The following ENPP2 variants were observed in gnomAD, a reference collection of about 807,000 sequenced individuals.
The protein encoded by ENPP2 is autotaxin.
A neutral mutation model predicts 120.2 loss-of-function variants in ENPP2; 51 were observed. The observed-to-expected ratio is 0.42, with a 90% CI of 0.34 to 0.54. The LOEUF (loss-of-function observed/expected upper bound fraction) is 0.54. Among genes scored for constraint, ENPP2 ranks in the 20% least tolerant of loss-of-function variants. The pLI, the probability that ENPP2 is intolerant of heterozygous loss-of-function variation, is 0.04. For missense variants in ENPP2, 920 were observed against 1,066.5 expected (o/e 0.86, Z 1.91); for synonymous variants, 365 against 366.4 (o/e 1.00, Z 0.04).
chr8:119,605,763 A>G (rs1424636924), intron 9 of ENPP2, among the ~76,000 whole-genome samples: 1 of 151,826 alleles, frequency 6.6e-6, no homozygotes, highest in African/African-American at 2.4e-5. Flanking sequence ...CACCATACCC[A>G]GCCGAAGATA....
intron 1 of ENPP2, among the ~76,000 whole-genome samples, chr8:119,650,588 G>C (rs1159097637): frequency 6.6e-6 from 1 of 152,192 alleles, no homozygotes; most frequent in African/African-American, 2.4e-5. Flanking sequence ...CTGATTTTCA[G>C]TTCTCAGGTT....
chr8:119,659,815 G>A (rs1433854086), intron 1 of ENPP2, among the ~76,000 whole-genome samples: 6 of 152,186 alleles, frequency 3.9e-5, no homozygotes, highest in Non-Finnish European at 7.4e-5. Context: ...AAAATTGCTT[G>A]TCTTGTATTA....
At chr8:119,572,189 A>C (rs1435962977) in intron 19 of ENPP2, 1 of 1,554,416 alleles carries the variant, frequency 6.4e-7, no homozygotes, top group African/African-American at 1.4e-5. Flanking sequence ...TTCTAGGTTC[A>C]AAATTTCCAT....
rs187821637 is a variant in ENPP2, at chr8:119,657,502, A to C, written c.21+15750T>G. 3.4e-3 allele frequency among the ~76,000 whole-genome samples: 514 copies of C among 152,338 alleles called. 5 individuals carry two copies. Among genetic ancestry groups the C allele is most frequent in the African/African-American group, 0.012 (484 of 41,582 alleles). On this transcript the variant is annotated intron_variant, in intron 1 of 25. Transcript: ENST00000427067. Reference sequence around the variant, plus strand: ...GAAAGTGTTGAACTTTGTATGTCGAAGTCTGCCAATTCTAATTTCCAGTTC... The same window carrying C: ...GAAAGTGTTGAACTTTGTATGTCGACGTCTGCCAATTCTAATTTCCAGTTC...
intron 1 of ENPP2, among the ~76,000 whole-genome samples, chr8:119,650,277 A>T (rs1382995621): frequency 1.3e-5 from 2 of 152,210 alleles, no homozygotes; most frequent in African/African-American, 4.8e-5. Context: ...TAAAACATCT[A>T]GAAGAGGCAA....
chr8:119,591,319 C>T (rs1813490181), intron 12 of ENPP2, among the ~76,000 whole-genome samples: 1 of 152,194 alleles, frequency 6.6e-6, no homozygotes, highest in African/African-American at 2.4e-5. Context: ...GCAACTAAAG[C>T]AAGAAGGTTC....
At chr8:119,585,616 T>A (rs770287708) in intron 15 of ENPP2, among the ~76,000 whole-genome samples, 12 of 152,288 alleles carry the variant, frequency 7.9e-5, no homozygotes, top group Non-Finnish European at 7.3e-5. Flanking sequence ...TTGGAAGTTG[T>A]TAGAGCCTCC....
In ENPP2 at chr8:119,632,660, G is replaced by A. The variant is rs370154585; in HGVS notation, c.136+5765C>T. ...AAAGAAACACCAATGTAAAACATAC[G>A]TTATTTCATTCAAATTCATAATTCT... On this transcript the variant is annotated intron_variant, in intron 2 of 24. Coordinates refer to ENST00000075322, the MANE Select transcript of ENPP2 (RefSeq NM_001040092.3). Among the ~76,000 whole-genome samples the A allele has an allele frequency of 1.1e-4, 17 of 152,266 alleles. No individual in the cohort carries two copies. The South Asian group carries it at 1.9e-3, about 17-fold the overall frequency.
intron 5 of ENPP2, among the ~76,000 whole-genome samples, chr8:119,618,944 A>G (rs1815679726): frequency 1.3e-5 from 2 of 152,142 alleles, no homozygotes; most frequent in South Asian, 4.1e-4. Flanking sequence ...ACTGAAAAAA[A>G]GTCTTAGCCA....
intron 8 of ENPP2, among the ~76,000 whole-genome samples, chr8:119,613,918 T>C (rs1467102775): frequency 6.6e-6 from 1 of 152,146 alleles, no homozygotes; most frequent in Non-Finnish European, 1.5e-5. Context: ...CACTACATTG[T>C]TATTTGCTAT....
chr8:119,627,817 G>A (rs548429072), intron 2 of ENPP2, among the ~76,000 whole-genome samples: 47 of 150,838 alleles, frequency 3.1e-4, no homozygotes, highest in African/African-American at 1.0e-3. Context: ...AGCAGAGATC[G>A]CACTATTGCA....
At chr8:119,620,872 T>C (rs893661453) in intron 4 of ENPP2, among the ~76,000 whole-genome samples, 5 of 152,194 alleles carry the variant, frequency 3.3e-5, no homozygotes, top group African/African-American at 1.2e-4. Context: ...AATGCCTTGG[T>C]GAACAGTGTA....
upstream of ENPP2, among the ~76,000 whole-genome samples, chr8:119,643,088 A>G (rs1268338227): frequency 6.6e-6 from 1 of 152,224 alleles, no homozygotes; most frequent in African/African-American, 2.4e-5. Context: ...ATCATTTAGC[A>G]GTAACTATAG....
Position 119,564,898 on chromosome 8 carries a change from C to T in ENPP2, c.2189G>A (p.Gly730Glu), listed in dbSNP as rs1287331560. ...LVKKYASERN[G>E]VNVISGPIFD... ...GATTGGTCCACTTATCACGTTAACT[C>T]CATTTCTTTCCGAAGCATATTTCTT... The change falls in exon 23 of 25, where the codon GGA becomes GAA. Residue 730 changes from glycine to glutamate, a missense_variant. Coordinates refer to ENST00000075322, the MANE Select transcript of ENPP2 (RefSeq NM_001040092.3). 6.8e-6 allele frequency: 11 copies of T among 1,612,712 alleles called. No individual in the cohort carries two copies. Among genetic ancestry groups the T allele is most frequent in the Admixed American group, 1.7e-5 (1 of 59,980 alleles).
chr8:119,574,377 T>C (rs3793376), intron 19 of ENPP2, among the ~76,000 whole-genome samples: 2,163 of 151,474 alleles, frequency 0.014, 106 homozygotes, highest in East Asian at 0.11. Flanking sequence ...GTTTCTGGGA[T>C]TTCTTCACGT....
rs890420209 is a variant in ENPP2 at position 119,557,611 on chromosome 8, G to A, written c.2502C>T (p.Thr834=). The A allele has an allele frequency of 3.7e-6, 6 of 1,612,118 alleles. No individual in the cohort carries two copies. Among genetic ancestry groups the A allele is most frequent in the Non-Finnish European group, 5.1e-6 (6 of 1,179,760 alleles). The change falls in exon 25 of 25, where the codon ACC becomes ACT. Residue 834 remains threonine (T), a synonymous_variant. Coordinates refer to ENST00000075322, the MANE Select transcript of ENPP2 (RefSeq NM_001040092.3). ...TARVRDIEHL[T]SLDFFRKTSR... The stretch of plus-strand genomic sequence containing the variant: ...TGGTCTTTCGGAAGAAGTCCAGGCT[G>A]GTGAGATGTTCAATGTCACGCACCC...
At chr8:119,649,654 A>G (rs1587572007) in intron 1 of ENPP2, among the ~76,000 whole-genome samples, 1 of 152,244 alleles carries the variant, frequency 6.6e-6, no homozygotes, top group African/African-American at 2.4e-5. Flanking sequence ...TACAAATCAT[A>G]TAACTGATAA....
At chr8:119,620,100 A>T (rs888518137) in intron 4 of ENPP2, among the ~76,000 whole-genome samples, 7 of 152,204 alleles carry the variant, frequency 4.6e-5, no homozygotes, top group African/African-American at 1.7e-4. Flanking sequence ...ACAATGGGGT[A>T]ACTATTATGC....
chr8:119,653,642 T>TAGTTTATGCAGGACCC (rs149019810), intron 1 of ENPP2, among the ~76,000 whole-genome samples: 22,413 of 151,850 alleles, frequency 0.15, 2,054 homozygotes, highest in African/African-American at 0.26. Context: ...AATTGGGAGC[T>TAGTTTATGCAGGACCC]AGTTTATGCA....
Sources: allele counts gnomAD v4.1 joint callset (sites outside exome capture counted in the v4.1 genomes callset), GRCh38; gene constraint gnomAD v4.1.1; transcripts MANE v1.5; gene names NCBI Gene and HGNC (gene_info 2026-07-23, HGNC 2026-07-21).